Variants in ADAMTSL1 observed in about 807,000 individuals in gnomAD.
The protein encoded by ADAMTSL1 is ADAMTS like 1.
Under a neutral mutation model 201.8 loss-of-function variants are expected in ADAMTSL1, and 126 were observed. That is an observed-to-expected ratio of 0.62 (90% CI 0.54 to 0.72). The LOEUF (loss-of-function observed/expected upper bound fraction) is 0.72. Ranked by LOEUF, ADAMTSL1 falls within the 30% of genes least tolerant of loss-of-function variation. The pLI, the probability that ADAMTSL1 is intolerant of heterozygous loss-of-function variation, is 0.00. For synonymous variants in ADAMTSL1, 1,121 were observed against 903.4 expected (o/e 1.24, Z -4.32); for missense variants, 2,679 against 2,277.8 (o/e 1.18, Z -3.59).
At chr9:18,711,891 T>A (rs62551684) in intron 14 of ADAMTSL1, among the ~76,000 whole-genome samples, 667 of 128,486 alleles carry the variant, frequency 5.2e-3, no homozygotes, top group East Asian at 7.0e-3. Context: ...AGCATGCAGC[T>A]GGAGATCTGA....
At chr9:18,301,477 C>G (rs932361231) in intron 2 of ADAMTSL1, among the ~76,000 whole-genome samples, 1 of 152,160 alleles carries the variant, frequency 6.6e-6, no homozygotes, top group African/African-American at 2.4e-5. Context: ...TGTTTTCCCA[C>G]TTTTACATGC....
At chr9:18,192,944 C>T (rs1391194085) in intron 2 of ADAMTSL1, among the ~76,000 whole-genome samples, 1 of 152,018 alleles carries the variant, frequency 6.6e-6, no homozygotes, top group Non-Finnish European at 1.5e-5. Context: ...CCTATTTTAA[C>T]TTTATATATA....
At chr9:18,689,959 G>A (rs1469877465) in intron 13 of ADAMTSL1, among the ~76,000 whole-genome samples, 1 of 152,186 alleles carries the variant, frequency 6.6e-6, no homozygotes, top group Non-Finnish European at 1.5e-5. Context: ...GGGCTTAAAT[G>A]TATTGCCATA....
chr9:18,181,901 A>T (rs201081842), intron 2 of ADAMTSL1, among the ~76,000 whole-genome samples: 13 of 152,026 alleles, frequency 8.6e-5, no homozygotes, highest in African/African-American at 1.9e-4. Flanking sequence ...TGTCCAACAA[A>T]GATAGACTGG....
At chr9:18,066,707 G>A (rs912699187) in intron 1 of ADAMTSL1, among the ~76,000 whole-genome samples, 11 of 152,208 alleles carry the variant, frequency 7.2e-5, no homozygotes, top group African/African-American at 2.4e-4. Context: ...AAATAGCAGT[G>A]GGTTCAGTGA....
chr9:18,171,269 G>C (rs1827876416), intron 2 of ADAMTSL1, among the ~76,000 whole-genome samples: 2 of 152,000 alleles, frequency 1.3e-5, no homozygotes, highest in Admixed American at 1.3e-4. Flanking sequence ...GGTAAAGGAT[G>C]TAATAAATGG....
At chr9:18,622,656 A>T (rs35664109) in intron 5 of ADAMTSL1, 48,381 of 545,826 alleles carry the variant, frequency 0.089, 2,524 homozygotes, top group Non-Finnish European at 0.11. Context: ...GCTGTCCAAC[A>T]TGAGGACAGA....
chr9:18,015,636 G>A (rs539827400), intron 1 of ADAMTSL1, among the ~76,000 whole-genome samples: 2 of 152,180 alleles, frequency 1.3e-5, no homozygotes, highest in Non-Finnish European at 2.9e-5. Flanking sequence ...GTCTCAGAAT[G>A]TTTAAGGAAT....
At chr9:17,962,735 T>C (rs1341160312) in intron 1 of ADAMTSL1, among the ~76,000 whole-genome samples, 2 of 152,196 alleles carry the variant, frequency 1.3e-5, no homozygotes, top group Admixed American at 6.5e-5. Flanking sequence ...TCTGATACAG[T>C]TGTATATGTT....
At chr9:18,766,499 C>G (rs1820371635) in intron 16 of ADAMTSL1, among the ~76,000 whole-genome samples, 1 of 152,174 alleles carries the variant, frequency 6.6e-6, no homozygotes, top group Non-Finnish European at 1.5e-5. Context: ...AGTGTATCAT[C>G]TATATCCTGC....
chr9:18,873,039 T>C (rs376273809), intron 23 of ADAMTSL1, among the ~76,000 whole-genome samples: 1 of 152,228 alleles, frequency 6.6e-6, no homozygotes, highest in South Asian at 2.1e-4. Context: ...TGGTATCACA[T>C]TGTAGTTTTG....
At chr9:18,580,655 T>C (rs1823038567) in intron 4 of ADAMTSL1, among the ~76,000 whole-genome samples, 1 of 152,246 alleles carries the variant, frequency 6.6e-6, no homozygotes, top group Non-Finnish European at 1.5e-5. Flanking sequence ...ATTGAGGATA[T>C]AAAATTGATT....
At chr9:17,952,059 C>T (rs1425340390) in intron 1 of ADAMTSL1, among the ~76,000 whole-genome samples, 7 of 151,984 alleles carry the variant, frequency 4.6e-5, no homozygotes, top group African/African-American at 7.2e-5. Context: ...GCATCAGCCT[C>T]CTGAGTTGCT....
rs763179695 is a variant in ADAMTSL1, at chr9:18,575,646, T to G, written c.474+1380T>G. Among the ~76,000 whole-genome samples, 3 of 152,146 alleles carry G rather than the reference T, an allele frequency of 2.0e-5. No individual in the cohort carries two copies. The East Asian group carries it at 5.8e-4, about 29-fold the overall frequency. Reference sequence around the variant, plus strand: ...AGAAAGGGGACTGTGTTGTAGGGAATGGCAAACAAAAGAATAATAACTCCC... The same window carrying G: ...AGAAAGGGGACTGTGTTGTAGGGAAGGGCAAACAAAAGAATAATAACTCCC... On this transcript the variant is annotated intron_variant, in intron 4 of 28. Transcript: ENST00000380548.
In ADAMTSL1 at chr9:18,286,722, G is replaced by C. The variant is rs893130891; in HGVS notation, c.207+122741G>C. On this transcript the variant is annotated intron_variant, in intron 2 of 29. Coordinates refer to the ADAMTSL1 transcript ENST00000680146. ...TGCATTATCAGGCCCATTCCTATAA[G>C]AGAATTTTCCATAGAAGAGAACACA... 2.2e-4 allele frequency among the ~76,000 whole-genome samples: 12 copies of C among 54,632 alleles called. 2 individuals are homozygous for C. Among genetic ancestry groups the C allele is most frequent in the African/African-American group, 4.7e-4 (12 of 25,694 alleles). The allele number at this position is 54,632 out of a possible 152,430, so 35.8% of individuals were successfully genotyped here. A position where few individuals can be genotyped will look rare whatever the true frequency, so the allele number is the denominator to read the frequency against.
intron 3 of ADAMTSL1, among the ~76,000 whole-genome samples, chr9:18,546,073 G>A (rs1175992025): frequency 6.6e-6 from 1 of 152,134 alleles, no homozygotes; most frequent in African/African-American, 2.4e-5. Flanking sequence ...CATTCTAGCA[G>A]TCTTGTCCTT....
chr9:18,482,874 T>C (rs1821799201), intron 1 of ADAMTSL1, among the ~76,000 whole-genome samples: 1 of 152,234 alleles, frequency 6.6e-6, no homozygotes, highest in Non-Finnish European at 1.5e-5. Context: ...GTTCTTTTTT[T>C]CTAGCTGTTA....
intron 1 of ADAMTSL1, among the ~76,000 whole-genome samples, chr9:18,078,070 G>A (rs1319285426): frequency 6.6e-6 from 1 of 152,216 alleles, no homozygotes. Flanking sequence ...TAGGAGAATA[G>A]TGAGCAAACA....
At chr9:18,065,840 G>A (rs1371297747) in intron 1 of ADAMTSL1, among the ~76,000 whole-genome samples, 1 of 151,916 alleles carries the variant, frequency 6.6e-6, no homozygotes, top group African/African-American at 2.4e-5. Context: ...AATTAGCTGG[G>A]CATGGTGGCA....
Sources: allele counts gnomAD v4.1 joint callset (sites outside exome capture counted in the v4.1 genomes callset), GRCh38; gene constraint gnomAD v4.1.1; transcripts MANE v1.5; gene names NCBI Gene and HGNC (gene_info 2026-07-23, HGNC 2026-07-21).